THSD7B: variants seen among roughly 807,000 people sequenced by gnomAD.
THSD7B encodes thrombospondin type 1 domain containing 7B.
THSD7B carries 138 observed loss-of-function variants against 213.6 expected under a neutral mutation model. The ratio of observed to expected loss-of-function variants is 0.65; its 90% CI spans 0.56 to 0.74. The LOEUF is 0.74. Among genes scored for constraint, THSD7B ranks in the 30% least tolerant of loss-of-function variants. The pLI, the probability that THSD7B is intolerant of heterozygous loss-of-function variation, is 0.00. For synonymous variants in THSD7B, 742 were observed against 687.0 expected (o/e 1.08, Z -1.25); for missense variants, 1,931 against 1,991.5 (o/e 0.97, Z 0.58).
intron 1 of THSD7B, among the ~76,000 whole-genome samples, chr2:136,830,024 T>A (rs914479753): frequency 5.3e-5 from 8 of 152,044 alleles, no homozygotes; most frequent in Non-Finnish European, 1.0e-4. Context: ...GTGGCTTAGT[T>A]TATGTTCAGA....
intron 2 of THSD7B, among the ~76,000 whole-genome samples, chr2:136,984,216 A>G (rs1685632955): frequency 6.6e-6 from 1 of 152,166 alleles, no homozygotes; most frequent in Admixed American, 6.5e-5. Flanking sequence ...AAGCTGTACA[A>G]GATGTGGAAT....
intron 7 of THSD7B, among the ~76,000 whole-genome samples, chr2:137,177,310 A>AG (rs996446450): frequency 1.3e-5 from 2 of 152,034 alleles, no homozygotes; most frequent in Non-Finnish European, 2.9e-5. Context: ...GTGACTCTGG[A>AG]GGGGGACTAG....
At chr2:136,788,465 A>T (rs1479654852) in intron 1 of THSD7B, among the ~76,000 whole-genome samples, 1 of 152,220 alleles carries the variant, frequency 6.6e-6, no homozygotes, top group African/African-American at 2.4e-5. Flanking sequence ...TTTTATAGTC[A>T]TGCAAATTAA....
At chr2:137,387,973 G>T (rs1404881103) in intron 12 of THSD7B, among the ~76,000 whole-genome samples, 1 of 152,118 alleles carries the variant, frequency 6.6e-6, no homozygotes, top group African/African-American at 2.4e-5. Context: ...GTATATGTGT[G>T]TATATACGCA....
intron 15 of THSD7B, among the ~76,000 whole-genome samples, chr2:137,555,176 G>A (rs1680931465): frequency 6.6e-6 from 1 of 152,200 alleles, no homozygotes; most frequent in Admixed American, 6.5e-5. Flanking sequence ...GTCCCTGTCT[G>A]ACAGCTTTGA....
chr2:136,813,939 G>A (rs966868968), intron 1 of THSD7B, among the ~76,000 whole-genome samples: 7 of 152,212 alleles, frequency 4.6e-5, no homozygotes, highest in Non-Finnish European at 1.0e-4. Flanking sequence ...CCTCAGCAAA[G>A]TAGCACAGTG....
rs371026731 is a variant in THSD7B at position 137,066,527 on chromosome 2, T to C, written c.950+9297T>C. On this transcript the variant is annotated intron_variant, in intron 3 of 27. Transcript: ENST00000409968. ...GCTTTCAATAGCACATGATCTTGCT[T>C]GCATAGTTTGTGAACAGAAGTCTGA... Among the ~76,000 whole-genome samples the C allele has an allele frequency of 9.2e-4, 140 of 152,230 alleles. 9 individuals carry two copies. The South Asian group carries it at 0.027, about 30-fold the overall frequency.
At chr2:137,309,382 T>C (rs1457337041) in intron 12 of THSD7B, among the ~76,000 whole-genome samples, 1 of 151,930 alleles carries the variant, frequency 6.6e-6, no homozygotes, top group Non-Finnish European at 1.5e-5. Flanking sequence ...ATAAGCCTTT[T>C]TGTCACATAT....
intron 2 of THSD7B, among the ~76,000 whole-genome samples, chr2:136,950,398 G>T (rs2565214): frequency 0.41 from 61,596 of 151,998 alleles, 14,773 homozygotes; most frequent in Non-Finnish European, 0.55. Context: ...AAACCTGCAC[G>T]TTCTGCACAT....
chr2:137,397,379 G>A lies in THSD7B; in HGVS notation c.2501-8234G>A, dbSNP rs9712247. Among the ~76,000 whole-genome samples the A allele has an allele frequency of 1.2e-3, 189 of 152,202 alleles. 1 individual carries two copies. Among genetic ancestry groups the A allele is most frequent in the African/African-American group, 4.2e-3 (176 of 41,512 alleles). ...GGCCTGGTGGTGACAAAATCTCTCA[G>A]CATTTGCTTGTCTGTAAAGGATTTT... On this transcript the variant is annotated intron_variant, in intron 12 of 27. Transcript: ENST00000409968.
chr2:136,842,170 T>C (rs1339784513), intron 1 of THSD7B, among the ~76,000 whole-genome samples: 1 of 152,214 alleles, frequency 6.6e-6, no homozygotes, highest in Non-Finnish European at 1.5e-5. Flanking sequence ...CACTTCCTTT[T>C]TCATCTGAAT....
chr2:137,037,271 T>C (rs1021101612), intron 2 of THSD7B, among the ~76,000 whole-genome samples: 4 of 152,124 alleles, frequency 2.6e-5, no homozygotes, highest in African/African-American at 9.7e-5. Context: ...GTACTGCAAA[T>C]AGTACTATTC....
intron 4 of THSD7B, among the ~76,000 whole-genome samples, chr2:137,098,267 T>C (rs1198115937): frequency 6.6e-6 from 1 of 152,218 alleles, no homozygotes; most frequent in Non-Finnish European, 1.5e-5. Flanking sequence ...TTTACCCTTC[T>C]GCTATCTTTG....
intron 2 of THSD7B, among the ~76,000 whole-genome samples, chr2:136,882,665 G>A (rs1683645581): frequency 6.6e-6 from 1 of 152,146 alleles, no homozygotes; most frequent in Non-Finnish European, 1.5e-5. Context: ...GAACGCTTTG[G>A]ACCAGTTCTG....
At chr2:137,651,702 C>G (rs1314750927) in intron 21 of THSD7B, among the ~76,000 whole-genome samples, 1 of 151,996 alleles carries the variant, frequency 6.6e-6, no homozygotes. Context: ...TTGCTGTAAA[C>G]TTCCCTCTTA....
chr2:136,995,824 T>C (rs1048150492), intron 2 of THSD7B, among the ~76,000 whole-genome samples: 10 of 152,206 alleles, frequency 6.6e-5, no homozygotes, highest in African/African-American at 2.4e-4. Flanking sequence ...TAATGCTATA[T>C]GGAAACATAT....
intron 15 of THSD7B, among the ~76,000 whole-genome samples, chr2:137,517,604 C>T (rs6754511): frequency 0.02 from 3,116 of 152,248 alleles, 100 homozygotes; most frequent in African/African-American, 0.071. Context: ...GTCCATTTGT[C>T]GAGTGATCCA....
At chr2:137,414,332 G>A (rs1006346988) in intron 14 of THSD7B, among the ~76,000 whole-genome samples, 1 of 151,780 alleles carries the variant, frequency 6.6e-6, no homozygotes, top group African/African-American at 2.4e-5. Context: ...CACTTCTAGG[G>A]ATATGACATA....
At chr2:136,954,635 G>T (rs951829970) in intron 2 of THSD7B, among the ~76,000 whole-genome samples, 2 of 144,498 alleles carry the variant, frequency 1.4e-5, no homozygotes, top group African/African-American at 5.1e-5. Context: ...AGAATGGTGT[G>T]AACCCCGGGG....
Sources: allele counts gnomAD v4.1 joint callset (sites outside exome capture counted in the v4.1 genomes callset), GRCh38; gene constraint gnomAD v4.1.1; transcripts MANE v1.5; gene names NCBI Gene and HGNC (gene_info 2026-07-23, HGNC 2026-07-21).